Variants in PDE2A observed in about 807,000 individuals in gnomAD.
PDE2A encodes cGMP-dependent 3',5'-cyclic phosphodiesterase.
In PDE2A, 53 loss-of-function variants were observed where a neutral mutation model predicts 133.6. The ratio of observed to expected loss-of-function variants is 0.40; its 90% confidence interval spans 0.32 to 0.50. PDE2A has a LOEUF of 0.50. Among genes scored for constraint, PDE2A ranks in the 20% least tolerant of loss-of-function variants. PDE2A has a pLI of 0.73. For synonymous variants in PDE2A, 491 were observed against 490.2 expected, an observed-to-expected ratio of 1.00 and a Z score of -0.02; for missense variants, 796 against 1,232.4, an observed-to-expected ratio of 0.65 and a Z score of 5.30.
At chr11:72,641,561 A>G (rs1186363755) in intron 2 of PDE2A, among the ~76,000 whole-genome samples, 1 of 152,210 alleles carries the variant, frequency 6.6e-6, no homozygotes, top group African/African-American at 2.4e-5. Context: ...AAACCAGAGG[A>G]GAAGCCCAGA....
chr11:72,619,053 CA>C (rs1857619079), intron 2 of PDE2A, among the ~76,000 whole-genome samples: 2 of 96,056 alleles, frequency 2.1e-5, no homozygotes, highest in African/African-American at 8.0e-5. Context: ...ACAGCGTGCG[CA>C]CACACACACA....
At chr11:72,660,336 C>T (rs560190267) in intron 1 of PDE2A, among the ~76,000 whole-genome samples, 1 of 152,160 alleles carries the variant, frequency 6.6e-6, no homozygotes, top group Non-Finnish European at 1.5e-5. Context: ...CATGCAGAAA[C>T]TAAGGAGGGG....
In PDE2A at chr11:72,585,602, A is replaced by C; in HGVS notation, c.1183-9T>G. On this transcript the variant is annotated splice_polypyrimidine_tract_variant and intron_variant, in intron 14 of 30. Coordinates refer to ENST00000334456, the MANE Select transcript of PDE2A (RefSeq NM_002599.5). ...GCCACTTGGAGAAGAGCCTGGAATG[A>C]AGGAAATGGAGATCATAGGGGGGTC... The C allele has an allele frequency of 6.2e-7, 1 of 1,613,714 alleles. No homozygotes were observed. Among genetic ancestry groups the C allele is most frequent in the Admixed American group, 1.7e-5 (1 of 59,954 alleles).
At chr11:72,609,691 G>A (rs569085796) in intron 2 of PDE2A, among the ~76,000 whole-genome samples, 1 of 152,216 alleles carries the variant, frequency 6.6e-6, no homozygotes, top group South Asian at 2.1e-4. Context: ...AGGCAAGATC[G>A]TGACTCATAC....
chr11:72,610,726 T>C (rs1330459199), intron 2 of PDE2A, among the ~76,000 whole-genome samples: 14 of 152,132 alleles, frequency 9.2e-5, no homozygotes, highest in Non-Finnish European at 1.9e-4. Context: ...TTTTGACCCT[T>C]AGGCACTCCT....
At chr11:72,615,149 C>T in intron 2 of PDE2A, 1 of 482,738 alleles carries the variant, frequency 2.1e-6, no homozygotes. Flanking sequence ...GTCCCAGTGC[C>T]TCCCAAGGGT....
At chr11:72,581,122 T>C (rs1394652247) in intron 23 of PDE2A, 149 bp from the exon 24 acceptor site, 4 of 728,078 alleles carry the variant, frequency 5.5e-6, no homozygotes, top group Non-Finnish European at 9.5e-6. Flanking sequence ...AAAGAAGCAC[T>C]GGTTTGGAGC....
chr11:72,633,370 G>A (rs540790145), intron 2 of PDE2A, among the ~76,000 whole-genome samples: 2 of 152,332 alleles, frequency 1.3e-5, no homozygotes, highest in South Asian at 4.1e-4. Flanking sequence ...GACACTGAAG[G>A]AGTGGCCCCA....
chr11:72,582,053 C>G, intron 21 of PDE2A, 106 bp from the exon 22 acceptor site: 1 of 880,656 alleles, frequency 1.1e-6, no homozygotes, highest in Non-Finnish European at 1.9e-6. Flanking sequence ...GTCTTAGAAA[C>G]TTACATCTAA....
intron 1 of PDE2A, among the ~76,000 whole-genome samples, chr11:72,664,364 A>ATTTTTTTTTTTTTTTTTTTTTTTTT (rs34217943): frequency 7.1e-5 from 5 of 70,076 alleles, no homozygotes; most frequent in African/African-American, 2.4e-4. Context: ...CCCTTGAAGG[A>ATTTTTTTTTTTTTTTTTTTTTTTTT]TTTTTTTTTT....
At chr11:72,667,975 G>A (rs1326729415) in intron 1 of PDE2A, among the ~76,000 whole-genome samples, 2 of 152,174 alleles carry the variant, frequency 1.3e-5, no homozygotes, top group African/African-American at 4.8e-5. Context: ...GTGCACCAAG[G>A]ATGGGATTTA....
chr11:72,622,166 G>T (rs569780052), intron 2 of PDE2A, among the ~76,000 whole-genome samples: 3 of 125,306 alleles, frequency 2.4e-5, no homozygotes, highest in African/African-American at 9.3e-5. Context: ...ACACCCATTA[G>T]GATGGCTACC....
intron 2 of PDE2A, among the ~76,000 whole-genome samples, chr11:72,641,830 T>A (rs1244974854): frequency 6.6e-6 from 1 of 152,122 alleles, no homozygotes; most frequent in Non-Finnish European, 1.5e-5. Flanking sequence ...GGGCTTTGGG[T>A]GAGGCCGGCT....
intron 4 of PDE2A, chr11:72,598,832 A>T: frequency 1.0e-6 from 1 of 985,386 alleles, no homozygotes; most frequent in Non-Finnish European, 1.2e-6. Context: ...GTAATCCAGG[A>T]TCTACAGGAA....
chr11:72,641,625 G>A (rs1411631940), intron 2 of PDE2A, among the ~76,000 whole-genome samples: 1 of 152,134 alleles, frequency 6.6e-6, no homozygotes, highest in Admixed American at 6.5e-5. Flanking sequence ...GGCCCCCCAC[G>A]AGGAAAGACT....
Position 72,584,648 on chromosome 11 carries a change from G to T in PDE2A, c.1440C>A (p.Asp480Glu). 6.2e-7 allele frequency: 1 copy of T among 1,613,454 alleles called. No individual in the cohort carries two copies. Among genetic ancestry groups the T allele is most frequent in the Non-Finnish European group, 8.5e-7 (1 of 1,180,026 alleles). ...ATTGQILNIP[D>E]AYAHPLFYRG... ...GGTAGAAAAGCGGATGGGCATATGC[G>T]TCAGGGATGTTCAGGATCTGGCCCG... Residue 480 changes from aspartate (D) to glutamate (E), a missense_variant, in exon 18 of 31, where the codon GAC becomes GAA. Coordinates refer to ENST00000334456, the MANE Select transcript of PDE2A (RefSeq NM_002599.5).
chr11:72,613,145 C>T (rs1338423727), intron 2 of PDE2A, among the ~76,000 whole-genome samples: 1 of 152,134 alleles, frequency 6.6e-6, no homozygotes, highest in Non-Finnish European at 1.5e-5. Context: ...TGCCTTTCCC[C>T]ATCTCCACAG....
intron 2 of PDE2A, among the ~76,000 whole-genome samples, chr11:72,641,637 G>A (rs181226278): frequency 1.3e-5 from 2 of 152,272 alleles, no homozygotes; most frequent in Admixed American, 6.5e-5. Flanking sequence ...GGAAAGACTC[G>A]GAGATCTCCA....
intron 4 of PDE2A, among the ~76,000 whole-genome samples, chr11:72,600,613 G>A (rs1423325697): frequency 6.6e-6 from 1 of 152,104 alleles, no homozygotes; most frequent in Non-Finnish European, 1.5e-5. Flanking sequence ...ACATGGGAGC[G>A]GGAGCTTCGT....
Sources: allele counts gnomAD v4.1 joint callset (sites outside exome capture counted in the v4.1 genomes callset), GRCh38; gene constraint gnomAD v4.1.1; transcripts MANE v1.5; gene names NCBI Gene and HGNC (gene_info 2026-07-23, HGNC 2026-07-21).